LRRC17: variants seen among roughly 807,000 people sequenced by gnomAD.
The protein encoded by LRRC17 is leucine-rich repeat-containing protein 17.
Under a neutral mutation model 41.5 loss-of-function variants are expected in LRRC17, and 33 were observed. That is an observed-to-expected ratio of 0.80 (90% CI 0.60 to 1.06). The LOEUF (loss-of-function observed/expected upper bound fraction) is 1.06. Ranked by LOEUF, LRRC17 falls within the 50% of genes least tolerant of loss-of-function variation. The probability of loss-of-function intolerance (pLI) is 0.00; values close to 1 mark genes in which losing one functional copy is unlikely to be tolerated. For synonymous variants in LRRC17, 192 were observed against 197.0 expected, an observed-to-expected ratio of 0.97 and a Z score of 0.21; for missense variants, 491 against 519.3, an observed-to-expected ratio of 0.95 and a Z score of 0.53.
At chr7:102,924,080 AAT>A (rs1817597982) in intron 1 of LRRC17, among the ~76,000 whole-genome samples, 1 of 151,676 alleles carries the variant, frequency 6.6e-6, no homozygotes, top group Non-Finnish European at 1.5e-5. Flanking sequence ...CTCTACTAAA[AAT>A]ACAAAATTAG....
At chr7:102,937,376 A>C (rs1157399616) in intron 2 of LRRC17, among the ~76,000 whole-genome samples, 1 of 151,330 alleles carries the variant, frequency 6.6e-6, no homozygotes. Context: ...GCATGGTGGC[A>C]GGCACCTGTA....
intron 2 of LRRC17, among the ~76,000 whole-genome samples, chr7:102,939,118 G>A (rs1563122272): frequency 6.6e-6 from 1 of 152,198 alleles, no homozygotes; most frequent in African/African-American, 2.4e-5. Flanking sequence ...CTGATAAACA[G>A]GCTGCTTTCT....
chr7:102,944,301 T>G lies in LRRC17; in HGVS notation c.1020T>G (p.Tyr340Ter), dbSNP rs769554612. ...NFDYGVLEDL[Y>*]FLKLLWLRDN... Reference sequence around the variant, plus strand: ...ACTATGGCGTATTAGAAGACTTGTATTTTTTGAAACTCTTGTGGCTCAGAG... The same window carrying G: ...ACTATGGCGTATTAGAAGACTTGTAGTTTTTGAAACTCTTGTGGCTCAGAG... The change falls in exon 4 of 4, where the codon TAT (tyrosine) becomes TAG (stop). Residue 340 changes from tyrosine (Y) to a stop codon, truncating the protein, a stop_gained. Coordinates refer to ENST00000339431, the MANE Select transcript of LRRC17 (RefSeq NM_001031692.3). LOFTEE classifies it high-confidence loss of function. 1 of 1,614,052 alleles carries G rather than the reference T, an allele frequency of 6.2e-7. No individual in the cohort carries two copies. Among genetic ancestry groups the G allele is most frequent in the Non-Finnish European group, 8.5e-7 (1 of 1,179,934 alleles).
intron 1 of LRRC17, among the ~76,000 whole-genome samples, chr7:102,931,365 C>T (rs909223211): frequency 7.2e-5 from 11 of 152,216 alleles, no homozygotes; most frequent in South Asian, 2.1e-4. Context: ...GTGTAGATGA[C>T]GGCAGTGTGT....
intron 1 of LRRC17, among the ~76,000 whole-genome samples, chr7:102,913,910 G>A (rs750869876): frequency 1.3e-5 from 2 of 152,108 alleles, no homozygotes; most frequent in East Asian, 1.9e-4. Flanking sequence ...TATAAATCTC[G>A]CTGGAGTTGA....
chr7:102,920,372 G>GA (rs1554457644), intron 1 of LRRC17, among the ~76,000 whole-genome samples: 1 of 149,572 alleles, frequency 6.7e-6, no homozygotes, highest in Non-Finnish European at 1.5e-5. Context: ...CATACACTCA[G>GA]TTTTTTTTTT....
At chr7:102,917,558 G>C (rs188227002) in intron 1 of LRRC17, among the ~76,000 whole-genome samples, 2 of 152,318 alleles carry the variant, frequency 1.3e-5, no homozygotes. Flanking sequence ...CCATGAGAAG[G>C]AGAAAGGCAC....
chr7:102,941,991 T>C (rs1261943801), intron 3 of LRRC17, among the ~76,000 whole-genome samples: 1 of 152,202 alleles, frequency 6.6e-6, no homozygotes, highest in Non-Finnish European at 1.5e-5. Context: ...TTCCCATAAT[T>C]GCAGGGATTC....
rs565133739 is a variant in LRRC17 at position 102,937,005 on chromosome 7, G to A, written c.772+2320G>A. 5.9e-5 allele frequency among the ~76,000 whole-genome samples: 9 copies of A among 151,604 alleles called. 1 individual carries two copies. The highest frequency in any genetic ancestry group is 2.0e-4 in the Admixed American group (3 of 15,222). On this transcript the variant is annotated intron_variant, in intron 2 of 3. Coordinates refer to ENST00000339431, the MANE Select transcript of LRRC17 (RefSeq NM_001031692.3). Reference sequence around the variant, plus strand: ...TTATTGCTTTCTTCAACTTATTGTTGTGTAAACACAACCTTCCAGAAATGC... The same window carrying A: ...TTATTGCTTTCTTCAACTTATTGTTATGTAAACACAACCTTCCAGAAATGC...
At chr7:102,918,106 A>T (rs1816269809) in intron 1 of LRRC17, among the ~76,000 whole-genome samples, 1 of 152,206 alleles carries the variant, frequency 6.6e-6, no homozygotes, top group African/African-American at 2.4e-5. Flanking sequence ...CAGCAGAAAC[A>T]ACCAACATTT....
intron 1 of LRRC17, among the ~76,000 whole-genome samples, chr7:102,920,956 G>T (rs142514439): frequency 6.6e-6 from 1 of 151,456 alleles, no homozygotes; most frequent in Non-Finnish European, 1.5e-5. Context: ...GTTCGAGACC[G>T]GCCTGGCCAA....
At chr7:102,938,674 A>G (rs936994800) in intron 2 of LRRC17, among the ~76,000 whole-genome samples, 1 of 152,198 alleles carries the variant, frequency 6.6e-6, no homozygotes, top group African/African-American at 2.4e-5. Context: ...GTCTGGGGAA[A>G]TGTATATTTA....
Position 102,913,829 on chromosome 7 carries a change from C to G in LRRC17, c.-141+684C>G, listed in dbSNP as rs577843787. ...GACTAATTGATATGCAGAGTTTAAG[C>G]ATGGATTAAGAAGACCAGTTTGCAA... On this transcript the variant is annotated intron_variant, in intron 1 of 3. Coordinates refer to ENST00000339431, the MANE Select transcript of LRRC17 (RefSeq NM_001031692.3). 5.9e-5 allele frequency among the ~76,000 whole-genome samples: 9 copies of G among 152,234 alleles called. No homozygotes were observed. In the South Asian group the frequency reaches 1.9e-3, roughly 32 times the overall value.
intron 3 of LRRC17, among the ~76,000 whole-genome samples, chr7:102,941,418 A>G (rs1012662013): frequency 1.5e-4 from 23 of 152,094 alleles, no homozygotes; most frequent in Non-Finnish European, 2.5e-4. Context: ...CCACTTCCCA[A>G]GCCCCTACCT....
chr7:102,914,745 T>G (rs1244681274), intron 1 of LRRC17, among the ~76,000 whole-genome samples: 2 of 152,206 alleles, frequency 1.3e-5, no homozygotes, highest in Non-Finnish European at 2.9e-5. Flanking sequence ...CACCAGTGAC[T>G]AGGTGGGCAG....
At position 102,934,648 on chromosome 7, in the gene LRRC17, T is replaced by C. The variant is rs752374293; in HGVS notation, c.735T>C (p.Tyr245=). ...TGGACTCAACTTTTTGCCACAATTA[T>C]GTGTTTCCCATACAAACACTGGACT... ...PEVDSTFCHN[Y]VFPIQTLDCK... is the part of the protein sequence containing the mutation. The change falls in exon 2 of 4, where the codon TAT becomes TAC. Residue 245 remains tyrosine, a synonymous_variant. Coordinates refer to ENST00000339431, the MANE Select transcript of LRRC17 (RefSeq NM_001031692.3). 1.2e-6 allele frequency: 2 copies of C among 1,604,784 alleles called. No homozygotes were observed. The highest frequency in any genetic ancestry group is 1.7e-6 in the Non-Finnish European group (2 of 1,177,618).
intron 2 of LRRC17, 79 bp downstream of exon 2, chr7:102,934,764 A>G (rs1413697096): frequency 2.4e-6 from 3 of 1,241,636 alleles, no homozygotes; most frequent in Non-Finnish European, 3.4e-6. Context: ...CCTACATCCC[A>G]CCATGTCTTG....
rs1323858273 is a variant in LRRC17 at position 102,942,481 on chromosome 7, A to C, written c.929-1729A>C. On this transcript the variant is annotated intron_variant, in intron 3 of 3. Coordinates refer to ENST00000339431, the MANE Select transcript of LRRC17 (RefSeq NM_001031692.3). ...TTTTACCTCCTTTAAGAAACAGACT[A>C]AAACTAGTTTTCTCAAGTGCCTGAA... 33 of 587,092 alleles carry C rather than the reference A, an allele frequency of 5.6e-5. No homozygotes were observed. In the East Asian group the frequency reaches 9.8e-4, roughly 17 times the overall value. 36.4% of individuals were successfully genotyped at this position (587,092 alleles called of 1,614,324 possible).
chr7:102,920,034 C>T (rs1295620659), intron 1 of LRRC17, among the ~76,000 whole-genome samples: 1 of 152,100 alleles, frequency 6.6e-6, no homozygotes, highest in Non-Finnish European at 1.5e-5. Flanking sequence ...TATGTGTGTT[C>T]ATACAGGGGA....
Sources: allele counts gnomAD v4.1 joint callset (sites outside exome capture counted in the v4.1 genomes callset), GRCh38; gene constraint gnomAD v4.1.1; transcripts MANE v1.5; gene names NCBI Gene and HGNC (gene_info 2026-07-23, HGNC 2026-07-21).